CDH13: variants seen among roughly 807,000 people sequenced by gnomAD.
CDH13 encodes cadherin 13, also known as cadherin-13.
Under a neutral mutation model 63.8 loss-of-function variants are expected in CDH13, and 24 were observed. That is an observed-to-expected ratio of 0.38 (90% CI 0.27 to 0.53). The LOEUF is 0.53. Ranked by LOEUF, CDH13 falls within the 20% of genes least tolerant of loss-of-function variation. The pLI, the probability that CDH13 is intolerant of heterozygous loss-of-function variation, is 0.85. For synonymous variants in CDH13, 503 were observed against 355.3 expected (o/e 1.42, Z -4.67); for missense variants, 1,049 against 903.1 (o/e 1.16, Z -2.07).
intron 1 of CDH13, among the ~76,000 whole-genome samples, chr16:82,652,290 C>A (rs182068499): frequency 6.0e-4 from 92 of 152,272 alleles, no homozygotes; most frequent in African/African-American, 2.0e-3. Flanking sequence ...AATAGCTGGT[C>A]CTTGGCAGTT....
chr16:82,840,684 CAAAAAAA>C (rs753429857), intron 1 of CDH13, among the ~76,000 whole-genome samples: 4 of 86,750 alleles, frequency 4.6e-5, no homozygotes, highest in Non-Finnish European at 8.7e-5. Flanking sequence ...GAATCCATCT[CAAAAAAA>C]AAAAAAAAAA....
intron 7 of CDH13, among the ~76,000 whole-genome samples, chr16:83,596,839 T>C (rs747233): frequency 6.6e-6 from 1 of 152,058 alleles, no homozygotes; most frequent in African/African-American, 2.4e-5. Flanking sequence ...TTTGTTACTG[T>C]TCTCCTTGTG....
At chr16:83,236,267 G>C (rs1048716494) in intron 5 of CDH13, among the ~76,000 whole-genome samples, 16 of 63,290 alleles carry the variant, frequency 2.5e-4, no homozygotes, top group African/African-American at 7.4e-4. Flanking sequence ...ACACACATAG[G>C]TTTTGTGCTG....
At chr16:83,153,476 A>C (rs1392788245) in intron 4 of CDH13, among the ~76,000 whole-genome samples, 1 of 152,188 alleles carries the variant, frequency 6.6e-6, no homozygotes, top group Non-Finnish European at 1.5e-5. Flanking sequence ...TTAGTAGTCT[A>C]ATCCCCAGGC....
intron 2 of CDH13, among the ~76,000 whole-genome samples, chr16:82,893,467 A>C (rs75631345): frequency 9.2e-5 from 14 of 152,330 alleles, no homozygotes; most frequent in Non-Finnish European, 1.6e-4. Context: ...TTAATCTACA[A>C]GTGTGATCAG....
intron 1 of CDH13, among the ~76,000 whole-genome samples, chr16:82,728,476 A>T (rs2033221067): frequency 6.6e-6 from 1 of 152,158 alleles, no homozygotes; most frequent in South Asian, 2.1e-4. Context: ...GCATATAAAT[A>T]ATAAACTACA....
At chr16:83,069,334 G>A (rs1173660025) in intron 3 of CDH13, among the ~76,000 whole-genome samples, 1 of 152,090 alleles carries the variant, frequency 6.6e-6, no homozygotes, top group Non-Finnish European at 1.5e-5. Context: ...TCAGATTTCT[G>A]ATTAATAAAA....
intron 6 of CDH13, among the ~76,000 whole-genome samples, chr16:83,461,246 A>T (rs1203107082): frequency 6.6e-6 from 1 of 152,132 alleles, no homozygotes; most frequent in Non-Finnish European, 1.5e-5. Flanking sequence ...ATTCCTATTT[A>T]TATATAAAAT....
chr16:83,683,600 T>G (rs1915578400), intron 10 of CDH13, among the ~76,000 whole-genome samples: 1 of 152,248 alleles, frequency 6.6e-6, no homozygotes, highest in South Asian at 2.1e-4. Flanking sequence ...AGGGATATAC[T>G]CATCTGTTTA....
intron 1 of CDH13, among the ~76,000 whole-genome samples, chr16:82,700,921 T>G (rs1310778173): frequency 1.5e-5 from 2 of 129,824 alleles, no homozygotes; most frequent in Non-Finnish European, 3.1e-5. Context: ...CTCTTTACAG[T>G]GCATTACGTG....
rs74034183 is a variant in CDH13 at position 83,359,256 on chromosome 16, A to C, written c.781+14250A>C. 9.4e-3 allele frequency among the ~76,000 whole-genome samples: 1,429 copies of C among 152,256 alleles called. 21 individuals carry two copies. The highest frequency in any genetic ancestry group is 0.033 in the African/African-American group (1,380 of 41,544). ...CCACTGTGATTATGAGACCTTAAAC[A>C]TGTTATCTTACCTCTCTGGGCTTTG... is the stretch of plus-strand genomic sequence containing the variant. On this transcript the variant is annotated intron_variant, in intron 6 of 13. Coordinates refer to ENST00000567109, the MANE Select transcript of CDH13 (RefSeq NM_001257.5).
At chr16:83,104,372 G>A (rs1222951524) in intron 3 of CDH13, among the ~76,000 whole-genome samples, 2 of 152,078 alleles carry the variant, frequency 1.3e-5, no homozygotes, top group Admixed American at 6.6e-5. Context: ...ATAGAGGTTG[G>A]GGCTGAATGA....
intron 3 of CDH13, among the ~76,000 whole-genome samples, chr16:83,054,297 C>G (rs966832785): frequency 3.9e-5 from 6 of 152,116 alleles, no homozygotes; most frequent in African/African-American, 1.4e-4. Context: ...AAATTGGACA[C>G]AATCAGAGAT....
intron 4 of CDH13, among the ~76,000 whole-genome samples, chr16:83,131,868 G>A (rs925165427): frequency 1.3e-5 from 2 of 152,216 alleles, no homozygotes; most frequent in African/African-American, 4.8e-5. Flanking sequence ...AGTGCTGTTT[G>A]TAAAGGGAAT....
chr16:83,471,332 T>G (rs1222621208), intron 6 of CDH13, among the ~76,000 whole-genome samples: 2 of 142,382 alleles, frequency 1.4e-5, no homozygotes, highest in Non-Finnish European at 3.0e-5. Context: ...TGGAGTGCAG[T>G]GGTATGATCT....
chr16:83,349,473 C>G (rs922059090), intron 6 of CDH13, among the ~76,000 whole-genome samples: 6 of 152,140 alleles, frequency 3.9e-5, no homozygotes, highest in Admixed American at 3.9e-4. Context: ...CCCACAGAAG[C>G]AGGCCCTGAG....
chr16:83,334,087 G>T (rs573544026), intron 5 of CDH13, among the ~76,000 whole-genome samples: 39 of 152,060 alleles, frequency 2.6e-4, no homozygotes, highest in African/African-American at 9.4e-4. Flanking sequence ...CACATTCCTG[G>T]CCTCATGGTA....
chr16:83,061,963 A>T (rs1045384027), intron 3 of CDH13, among the ~76,000 whole-genome samples: 2 of 152,218 alleles, frequency 1.3e-5, no homozygotes, highest in Non-Finnish European at 1.5e-5. Flanking sequence ...TTGGAGCTCG[A>T]AACTGAGATA....
intron 6 of CDH13, among the ~76,000 whole-genome samples, chr16:83,448,900 C>T (rs2072793989): frequency 6.6e-6 from 1 of 152,154 alleles, no homozygotes; most frequent in African/African-American, 2.4e-5. Context: ...TTACTGATGA[C>T]TTTCGAAAGA....
Sources: gnomAD v4.1 joint callset for allele counts (sites outside exome capture counted in the v4.1 genomes callset) on GRCh38, gnomAD v4.1.1 for gene constraint, MANE v1.5 for transcripts, NCBI Gene and HGNC (gene_info 2026-07-23, HGNC 2026-07-21) for gene names.